Variants in EBPL observed in about 807,000 individuals in gnomAD.
EBPL encodes the protein EBP like.
In EBPL, 20 loss-of-function variants were observed where a neutral mutation model predicts 19.0. That is an observed-to-expected ratio of 1.05 (90% CI 0.74 to 1.53). The LOEUF is 1.53. Ranked by LOEUF, EBPL falls within the 40% of genes most tolerant of loss-of-function variation. The pLI, the probability that EBPL is intolerant of heterozygous loss-of-function variation, is 0.00. For synonymous variants in EBPL, 107 were observed against 117.0 expected (o/e 0.91, Z 0.55); for missense variants, 219 against 261.1 (o/e 0.84, Z 1.11).
intron 1 of EBPL, among the ~76,000 whole-genome samples, chr13:49,681,589 C>T (rs1953943955): frequency 6.6e-6 from 1 of 152,184 alleles, no homozygotes; most frequent in Admixed American, 6.5e-5. Flanking sequence ...CCACACCCAG[C>T]CCAGGCATAT....
chr13:49,674,617 T>TAA (rs11318543), intron 1 of EBPL, among the ~76,000 whole-genome samples: 7 of 145,392 alleles, frequency 4.8e-5, no homozygotes, highest in Non-Finnish European at 6.0e-5. Context: ...TGTCAGGACT[T>TAA]AAAAAAAAAA....
At chr13:49,687,433 T>TGAGA (rs1303366801) in intron 1 of EBPL, among the ~76,000 whole-genome samples, 1 of 152,224 alleles carries the variant, frequency 6.6e-6, no homozygotes, top group Non-Finnish European at 1.5e-5. Context: ...TGCACCATGT[T>TGAGA]GAGAGACAAT....
Position 49,691,358 on chromosome 13 carries a change from CCAGCAGCGCGGCGCACAG to C in EBPL, c.49_66del (p.Leu17_Leu22del). The stretch of plus-strand genomic sequence containing the variant: ...CGCAGGCCCAGGGCGCAGCCCGCCG[CCAGCAGCGCGGCGCACAG>C]CAGCAGCGAACCGCCAGCCTCGGCC... On this transcript the variant is annotated inframe_deletion, in exon 1 of 4. Transcript: ENST00000242827. 7.4e-7 allele frequency: 1 copy of C among 1,358,574 alleles called. No homozygotes were observed. The highest frequency in any genetic ancestry group is 2.0e-5 in the South Asian group (1 of 49,398). 84.2% of individuals were successfully genotyped at this position (1,358,574 alleles called of 1,614,324 possible).
chr13:49,690,500 T>C (rs1184588811), intron 1 of EBPL, among the ~76,000 whole-genome samples: 2 of 139,178 alleles, frequency 1.4e-5, no homozygotes, highest in Non-Finnish European at 1.6e-5. Context: ...CGTGCGCGTG[T>C]GTGGTGGGGG....
chr13:49,676,453 G>A (rs9316473), intron 1 of EBPL, among the ~76,000 whole-genome samples: 96,010 of 151,924 alleles, frequency 0.63, 32,072 homozygotes, highest in East Asian at 0.77. Context: ...TTAGCCGGGC[G>A]TGGTGGCGGG....
chr13:49,689,153 T>C (rs57783887), intron 1 of EBPL, among the ~76,000 whole-genome samples: 18,249 of 152,162 alleles, frequency 0.12, 2,194 homozygotes, highest in East Asian at 0.58. Flanking sequence ...GTCTTAGACT[T>C]GGAGAACTAA....
intron 1 of EBPL, among the ~76,000 whole-genome samples, chr13:49,687,257 C>T (rs1329716246): frequency 6.6e-6 from 1 of 152,150 alleles, no homozygotes; most frequent in African/African-American, 2.4e-5. Context: ...CTTTGACTTA[C>T]CACATTCTCC....
At chr13:49,677,029 A>G (rs568295817) in intron 1 of EBPL, among the ~76,000 whole-genome samples, 30 of 152,302 alleles carry the variant, frequency 2.0e-4, no homozygotes, top group African/African-American at 7.2e-4. Flanking sequence ...AAATAGGACC[A>G]TTGCAGACAT....
chr13:49,691,370 C>A lies in EBPL; in HGVS notation c.55G>T (p.Ala19Ser). Residue 19 changes from alanine (A) to serine (S), a missense_variant, in exon 1 of 4, where the codon GCC becomes TCC. Physicochemically the swap from Ala to Ser is moderately conservative, Grantham distance 99 (BLOSUM62 1). Around this residue, in one of 2 missense-constraint regions of EBPL, gnomAD observed 170 missense variants for 167.0 expected, o/e 1.02. Coordinates refer to ENST00000242827, the MANE Select transcript of EBPL (RefSeq NM_032565.5). ...AEAGGSLLLC[A>S]ALLAAGCALG... The stretch of plus-strand genomic sequence containing the variant: ...GCGCAGCCCGCCGCCAGCAGCGCGG[C>A]GCACAGCAGCAGCGAACCGCCAGCC... 1 of 1,367,114 alleles carries A rather than the reference C, an allele frequency of 7.3e-7. No homozygotes were observed. Among genetic ancestry groups the A allele is most frequent in the South Asian group, 2.1e-5 (1 of 48,740 alleles). The allele number at this position is 1,367,114 out of a possible 1,614,324, so 84.7% of individuals were successfully genotyped here.
intron 1 of EBPL, among the ~76,000 whole-genome samples, chr13:49,681,318 T>C (rs536944940): frequency 8.4e-4 from 128 of 152,310 alleles, no homozygotes; most frequent in Admixed American, 2.3e-3. Flanking sequence ...TTTAAGATGG[T>C]CTCGCTCTGT....
chr13:49,691,455 A>G lies in EBPL; in HGVS notation c.-31T>C. On this transcript the variant is annotated 5_prime_UTR_variant, in exon 1 of 4. Transcript: ENST00000242827. ...AGGCTTCCGACGCCAACGGCCCAGG[A>G]CCATGCGGCAGAGGAAAGCAGGGAG... The G allele has an allele frequency of 2.3e-6, 3 of 1,305,762 alleles. No individual in the cohort carries two copies. The highest frequency in any genetic ancestry group is 2.9e-6 in the Non-Finnish European group (3 of 1,026,170). The allele number at this position is 1,305,762 out of a possible 1,614,324, so 80.9% of individuals were successfully genotyped here.
intron 1 of EBPL, among the ~76,000 whole-genome samples, chr13:49,671,982 C>A (rs975073401): frequency 2.6e-5 from 4 of 152,154 alleles, no homozygotes; most frequent in Non-Finnish European, 5.9e-5. Context: ...CAGCCCTAAC[C>A]CCCTTCTTCA....
intron 3 of EBPL, among the ~76,000 whole-genome samples, chr13:49,662,522 A>G (rs1965165525): frequency 6.6e-6 from 1 of 152,202 alleles, no homozygotes; most frequent in African/African-American, 2.4e-5. Flanking sequence ...TCTTGCCTCT[A>G]CAGAGTCTAG....
At chr13:49,678,736 C>A (rs1366163897) in intron 1 of EBPL, among the ~76,000 whole-genome samples, 1 of 152,262 alleles carries the variant, frequency 6.6e-6, no homozygotes, top group East Asian at 1.9e-4. Flanking sequence ...CACAGTGCAG[C>A]CGCGGGCTGA....
In EBPL at chr13:49,681,463, G is replaced by T. The variant is rs185172109; in HGVS notation, c.171+9791C>A. Among the ~76,000 whole-genome samples, 3 of 152,220 alleles carry T rather than the reference G, an allele frequency of 2.0e-5. No homozygotes were observed. The East Asian group carries it at 5.8e-4, about 29-fold the overall frequency. On this transcript the variant is annotated intron_variant, in intron 1 of 3. Coordinates refer to ENST00000242827, the MANE Select transcript of EBPL (RefSeq NM_032565.5). ...ACGCCACCACGCCTGGCTAATTTTG[G>T]TATTTTTAGTAGAGACAGGTTTTCA...
At chr13:49,661,987 G>T in intron 3 of EBPL, 4 of 1,423,528 alleles carry the variant, frequency 2.8e-6, no homozygotes, top group Non-Finnish European at 3.9e-6. Flanking sequence ...TGATAGGATG[G>T]ATAATTTTTT....
At chr13:49,661,880 G>A (rs1481690810) in intron 3 of EBPL, 2 of 1,550,466 alleles carry the variant, frequency 1.3e-6, no homozygotes, top group Admixed American at 2.0e-5. Flanking sequence ...AATTGTTTTA[G>A]GGATTCATCT....
chr13:49,681,164 CAT>C (rs1953939063), intron 1 of EBPL, among the ~76,000 whole-genome samples: 1 of 152,182 alleles, frequency 6.6e-6, no homozygotes, highest in Admixed American at 6.5e-5. Flanking sequence ...TCCTACTGGA[CAT>C]ATGTTATAAA....
chr13:49,680,848 C>CA (rs750663808), intron 1 of EBPL, among the ~76,000 whole-genome samples: 39 of 150,706 alleles, frequency 2.6e-4, no homozygotes, highest in African/African-American at 6.8e-4. Flanking sequence ...ACAAAACAAA[C>CA]AAAAAAAATA....
Sources: allele counts gnomAD v4.1 joint callset (sites outside exome capture counted in the v4.1 genomes callset), GRCh38; gene constraint gnomAD v4.1.1; regional missense constraint gnomAD v4.1.1; transcripts MANE v1.5; gene names NCBI Gene and HGNC (gene_info 2026-07-23, HGNC 2026-07-21).